NRG1: variants seen among roughly 807,000 people sequenced by gnomAD.
NRG1 encodes neuregulin 1.
In NRG1, 18 loss-of-function variants were observed where a neutral mutation model predicts 63.8. The observed-to-expected ratio is 0.28, with a 90% CI of 0.19 to 0.42. NRG1 has a LOEUF of 0.42. Among genes scored for constraint, NRG1 ranks in the 10% least tolerant of loss-of-function variants. The pLI is 1.00. For synonymous variants in NRG1, 302 were observed against 301.3 expected, an observed-to-expected ratio of 1.00 and a Z score of -0.02; for missense variants, 762 against 814.7, an observed-to-expected ratio of 0.94 and a Z score of 0.79.
intron 1 of NRG1, among the ~76,000 whole-genome samples, chr8:32,033,333 C>A (rs1818567967): frequency 6.6e-6 from 1 of 152,082 alleles, no homozygotes; most frequent in African/African-American, 2.4e-5. Context: ...TAGTACCATG[C>A]TGTTTTGGTT....
At chr8:32,241,569 A>G (rs1848098752) in intron 1 of NRG1, among the ~76,000 whole-genome samples, 1 of 152,212 alleles carries the variant, frequency 6.6e-6, no homozygotes, top group Non-Finnish European at 1.5e-5. Context: ...TAGAGTAGTC[A>G]AAGAACCAAT....
intron 1 of NRG1, among the ~76,000 whole-genome samples, chr8:32,532,805 A>G (rs1265024519): frequency 6.6e-6 from 1 of 152,096 alleles, no homozygotes; most frequent in Non-Finnish European, 1.5e-5. Flanking sequence ...GATATGATTT[A>G]ATCATGATTA....
intron 1 of NRG1, among the ~76,000 whole-genome samples, chr8:32,351,717 A>T (rs1338720213): frequency 1.3e-5 from 2 of 152,120 alleles, no homozygotes; most frequent in African/African-American, 4.8e-5. Flanking sequence ...AAATTTCCTC[A>T]TGCTTCCTGG....
intron 1 of NRG1, among the ~76,000 whole-genome samples, chr8:32,133,089 A>G (rs1442319785): frequency 6.6e-6 from 1 of 151,990 alleles, no homozygotes; most frequent in African/African-American, 2.4e-5. Context: ...GTGATTTCAC[A>G]AGCTGGATTT....
intron 6 of NRG1, among the ~76,000 whole-genome samples, chr8:32,735,130 T>C (rs1824680798): frequency 6.6e-6 from 1 of 152,214 alleles, no homozygotes; most frequent in Non-Finnish European, 1.5e-5. Flanking sequence ...AGTCATACTC[T>C]TCAGATGTAT....
chr8:32,164,063 T>A (rs1048001288), intron 1 of NRG1, among the ~76,000 whole-genome samples: 3 of 152,184 alleles, frequency 2.0e-5, no homozygotes, highest in Non-Finnish European at 4.4e-5. Context: ...CATTTCTCAT[T>A]TTTGTTCTCT....
chr8:32,285,272 G>A (rs560176016), intron 1 of NRG1, among the ~76,000 whole-genome samples: 2 of 152,090 alleles, frequency 1.3e-5, no homozygotes, highest in Non-Finnish European at 1.5e-5. Context: ...CGGAGAGGTG[G>A]AACTTCCTCC....
intron 1 of NRG1, among the ~76,000 whole-genome samples, chr8:32,223,252 T>G (rs1196371501): frequency 1.3e-5 from 2 of 152,234 alleles, no homozygotes; most frequent in African/African-American, 4.8e-5. Flanking sequence ...GATAAACAAC[T>G]TCTCTAACTG....
At chr8:32,135,322 T>C (rs1835366793) in intron 1 of NRG1, among the ~76,000 whole-genome samples, 1 of 152,124 alleles carries the variant, frequency 6.6e-6, no homozygotes, top group Admixed American at 6.6e-5. Flanking sequence ...GGAAAATGAA[T>C]TGCATGGGAC....
intron 1 of NRG1, among the ~76,000 whole-genome samples, chr8:32,159,262 C>T (rs958723515): frequency 6.6e-6 from 1 of 152,150 alleles, no homozygotes; most frequent in South Asian, 2.1e-4. Context: ...TGGCCGGGCG[C>T]GGTGGCTCAC....
chr8:31,736,665 T>G (rs918672065), intron 1 of NRG1, among the ~76,000 whole-genome samples: 3 of 150,612 alleles, frequency 2.0e-5, no homozygotes, highest in African/African-American at 7.5e-5. Flanking sequence ...TCTCAAGTAT[T>G]AAAATACAAT....
At chr8:32,373,579 C>T (rs943788323) in intron 1 of NRG1, among the ~76,000 whole-genome samples, 1 of 152,028 alleles carries the variant, frequency 6.6e-6, no homozygotes, top group African/African-American at 2.4e-5. Flanking sequence ...AAATCTAAGA[C>T]CAGCCTGGCC....
chr8:32,066,783 T>A lies in NRG1; in HGVS notation c.37+427352T>A, dbSNP rs534415949. Among the ~76,000 whole-genome samples, 82 of 152,328 alleles carry A rather than the reference T, an allele frequency of 5.4e-4. 1 individual carries two copies. In the South Asian group the frequency reaches 6.2e-3, roughly 12 times the overall value. ...AATCTGTAAATTACCTTGGGCAGTA[T>A]GGCCATTTTCATGATATTGATTCTT... On this transcript the variant is annotated intron_variant, in intron 1 of 10. Transcript: ENST00000519301.
chr8:32,252,100 T>C (rs1383253683), intron 1 of NRG1, among the ~76,000 whole-genome samples: 5 of 152,168 alleles, frequency 3.3e-5, no homozygotes, highest in Admixed American at 1.3e-4. Flanking sequence ...TATTAGCCCT[T>C]TGTCAGATGG....
At chr8:32,413,436 C>T (rs1815396042) in intron 1 of NRG1, among the ~76,000 whole-genome samples, 1 of 152,120 alleles carries the variant, frequency 6.6e-6, no homozygotes, top group African/African-American at 2.4e-5. Flanking sequence ...TACCATGTTT[C>T]CTTAGGCTTG....
chr8:31,939,137 G>A (rs1801381165), intron 1 of NRG1, among the ~76,000 whole-genome samples: 1 of 152,104 alleles, frequency 6.6e-6, no homozygotes, highest in Admixed American at 6.5e-5. Context: ...TCAAGATGAA[G>A]GAAAGAATCT....
At chr8:32,394,440 A>G (rs1812183553) in intron 1 of NRG1, among the ~76,000 whole-genome samples, 1 of 152,218 alleles carries the variant, frequency 6.6e-6, no homozygotes, top group Non-Finnish European at 1.5e-5. Context: ...AGTCCCTTGA[A>G]ACAGGCACAA....
chr8:31,697,727 G>A (rs1038981440), intron 1 of NRG1, among the ~76,000 whole-genome samples: 10 of 152,038 alleles, frequency 6.6e-5, no homozygotes, highest in African/African-American at 2.2e-4. Context: ...AGTCTTCCAC[G>A]GTTTTCAGAA....
intron 1 of NRG1, among the ~76,000 whole-genome samples, chr8:31,709,102 T>G (rs1428196993): frequency 2.0e-5 from 3 of 151,888 alleles, no homozygotes; most frequent in Non-Finnish European, 4.4e-5. Context: ...TAAAAGTGGA[T>G]TTTTGGAGTT....
Sources: allele counts gnomAD v4.1 joint callset (sites outside exome capture counted in the v4.1 genomes callset), GRCh38; gene constraint gnomAD v4.1.1; transcripts MANE v1.5; gene names NCBI Gene and HGNC (gene_info 2026-07-23, HGNC 2026-07-21).